RFNG: variants seen among roughly 807,000 people sequenced by gnomAD.
RFNG encodes the protein beta-1,3-N-acetylglucosaminyltransferase radical fringe.
A neutral mutation model predicts 29.6 loss-of-function variants in RFNG; 37 were observed. That is an observed-to-expected ratio of 1.25 (90% confidence interval 0.96 to 1.65). The LOEUF is 1.65. Ranked by LOEUF, RFNG falls within the 40% of genes most tolerant of loss-of-function variation. The pLI, the probability that RFNG is intolerant of heterozygous loss-of-function variation, is 0.00. For synonymous variants in RFNG, 276 were observed against 197.3 expected, an observed-to-expected ratio of 1.40 and a Z score of -3.34; for missense variants, 546 against 457.0, an observed-to-expected ratio of 1.19 and a Z score of -1.78.
chr17:82,048,915 A>T, intron 7 of RFNG, 108 bp from the exon 8 acceptor site: 4 of 1,423,386 alleles, frequency 2.8e-6, no homozygotes, highest in Non-Finnish European at 3.9e-6. Context: ...TACAGGGAGA[A>T]GCCGGGGTCA....
At chr17:82,049,279 T>C in intron 6 of RFNG, 163 bp from the exon 7 acceptor site, 1 of 714,710 alleles carries the variant, frequency 1.4e-6, no homozygotes, top group South Asian at 1.5e-5. Context: ...ATGAGCTGAG[T>C]AGGGGGACAC....
Position 82,050,525 on chromosome 17 carries a change from A to T in RFNG, c.450T>A (p.Tyr150Ter). The change falls in exon 4 of 8, where the codon TAT becomes TAA. Residue 150 changes from tyrosine to a stop codon, truncating the protein, a stop_gained. Transcript: ENST00000310496. LOFTEE classifies it high-confidence loss of function. ...GGTGCAGGAGGCTCCTGGCGTTCACATAATTGTCATCATCCACGTGGCAAA... is the reference window on the plus strand; with the variant it reads ...GGTGCAGGAGGCTCCTGGCGTTCACTTAATTGTCATCATCCACGTGGCAAA... ...KWFCHVDDDNYVNARSLLHLL... is the reference protein window; with the variant it reads ...KWFCHVDDDN The T allele has an allele frequency of 2.5e-6, 4 of 1,612,656 alleles. No individual in the cohort carries two copies. Among genetic ancestry groups the T allele is most frequent in the Non-Finnish European group, 3.4e-6 (4 of 1,179,636 alleles).
rs1470129785 is a variant in RFNG, at chr17:82,048,794, G to A, written c.928C>T (p.His310Tyr). 23 of 1,613,140 alleles carry A rather than the reference G, an allele frequency of 1.4e-5. No individual in the cohort carries two copies. The highest frequency in any genetic ancestry group is 1.9e-5 in the Non-Finnish European group (22 of 1,179,588). ...TCCGTGTCTGGGTACAGAAGACAAT[G>A]GATAGACTTAAACCTGGGGAAGGAA... ...HQDPTRFKSI[H>Y]CLLYPDTDWC... The change falls in exon 8 of 8, where the codon CAT becomes TAT. Residue 310 changes from histidine to tyrosine, a missense_variant. Physicochemically the swap from His to Tyr is moderately conservative, Grantham distance 83. Transcript: ENST00000310496.
chr17:82,050,632 C>G, intron 3 of RFNG, 30 bp downstream of exon 3: 1 of 1,611,038 alleles, frequency 6.2e-7, no homozygotes, highest in Non-Finnish European at 8.5e-7. Flanking sequence ...TGGCTCTGAG[C>G]TCTCTGCGGG....
chr17:82,050,477 G>T lies in RFNG; in HGVS notation c.498C>A (p.Ser166Arg). 1 of 1,612,954 alleles carries T rather than the reference G, an allele frequency of 6.2e-7. No individual in the cohort carries two copies. Among genetic ancestry groups the T allele is most frequent in the African/African-American group, 1.3e-5 (1 of 75,032 alleles). Residue 166 changes from serine (S) to arginine (R), a missense_variant, in exon 4 of 8, where the codon AGC becomes AGA. Ser to Arg is a moderately radical substitution (Grantham distance 110). Coordinates refer to ENST00000310496, the MANE Select transcript of RFNG (RefSeq NM_002917.2). ...TGGGCCGCCCCAGGTAGACGTCCTGGCTGGGTGAGAAGCTGGAGAGCAGGT... is the reference window on the plus strand; with the variant it reads ...TGGGCCGCCCCAGGTAGACGTCCTGTCTGGGTGAGAAGCTGGAGAGCAGGT... Reference protein sequence around the residue: ...LLHLLSSFSPSQDVYLGRPSL... With the variant: ...LLHLLSSFSPRQDVYLGRPSL...
rs766603555 is a variant in RFNG, at chr17:82,050,760, G to A, written c.321C>T (p.Asp107=). The part of the protein sequence containing the change: ...DDPELELQGG[D]RVINTNCSAV... ...CCGAGCAGTTGGTGTTGATGACACG[G>A]TCGCCTGCGAATCAGAGACGGGAAG... Residue 107 remains aspartate, a synonymous_variant, in exon 3 of 8, where the codon GAC becomes GAT. Transcript: ENST00000310496. The A allele has an allele frequency of 8.1e-6, 13 of 1,612,720 alleles. No individual in the cohort carries two copies. The highest frequency in any genetic ancestry group is 9.3e-6 in the Non-Finnish European group (11 of 1,179,854).
At position 82,049,659 on chromosome 17, in the gene RFNG, C is replaced by G; in HGVS notation, c.828+18G>C. The G allele has an allele frequency of 6.8e-7, 1 of 1,461,174 alleles. No individual in the cohort carries two copies. The highest frequency in any genetic ancestry group is 9.0e-7 in the Non-Finnish European group (1 of 1,106,216). 90.5% of individuals were successfully genotyped at this position (1,461,174 alleles called of 1,614,324 possible). ...GGCAAAGCCCAGGTGGCAGAGGCAC[C>G]CAGAGTGGCGCCTGTACCTGCTGGA... On this transcript the variant is annotated intron_variant, in intron 6 of 7. Transcript: ENST00000310496.
In RFNG at chr17:82,050,423, C is replaced by A; in HGVS notation, c.552G>T (p.Glu184Asp). The A allele has an allele frequency of 6.3e-7, 1 of 1,599,446 alleles. No homozygotes were observed. The highest frequency in any genetic ancestry group is 8.5e-7 in the Non-Finnish European group (1 of 1,174,794). ...TCACAGTTCTGCCACCCTGGACCCT[C>A]TCGGTGGCCTCAATGGGGTGGTCCA... ...PSLDHPIEAT[E>D]RVQGGRTVTT... The change falls in exon 4 of 8, where the codon GAG becomes GAT. Residue 184 changes from glutamate (E) to aspartate (D), a missense_variant. Coordinates refer to ENST00000310496, the MANE Select transcript of RFNG (RefSeq NM_002917.2).
At chr17:82,049,465 C>T (rs943574948) in intron 6 of RFNG, 9 of 721,288 alleles carry the variant, frequency 1.2e-5, no homozygotes, top group Non-Finnish European at 2.0e-5. Context: ...TGTGCTTCTC[C>T]CCTCGTTCCT....
chr17:82,050,788 C>G (rs1484524750), intron 2 of RFNG, 24 bp from the exon 3 acceptor site: 6 of 1,608,694 alleles, frequency 3.7e-6, no homozygotes, highest in Non-Finnish European at 5.1e-6. Context: ...ACGGGAAGCA[C>G]GCACGTAGAG....
chr17:82,051,060 G>C lies in RFNG; in HGVS notation c.316+234C>G. On this transcript the variant is annotated intron_variant, in intron 2 of 7. Transcript: ENST00000310496. The surrounding 1 kb of genome is among the most constrained non-coding windows in gnomAD (Gnocchi z 4.1). ...TGCTGGCGCTTCTTCAGGGGACGTG[G>C]CACTAGCCCCACGCCCCGGGAAGCG... The C allele has an allele frequency of 7.3e-7, 1 of 1,379,242 alleles. No homozygotes were observed. The highest frequency in any genetic ancestry group is 1.5e-5 in the African/African-American group (1 of 68,080). 85.4% of individuals were successfully genotyped at this position (1,379,242 alleles called of 1,614,324 possible).
chr17:82,050,317 G>A (rs2030290585), intron 4 of RFNG, 85 bp downstream of exon 4: 13 of 1,452,016 alleles, frequency 9.0e-6, no homozygotes, highest in Non-Finnish European at 1.2e-5. Context: ...CCCTTCTCAA[G>A]CCAGCTTTCC....
At position 82,049,412 on chromosome 17, in the gene RFNG, C is replaced by T. The variant is rs1250153871; in HGVS notation, c.828+265G>A. On this transcript the variant is annotated intron_variant, in intron 6 of 7. Coordinates refer to ENST00000310496, the MANE Select transcript of RFNG (RefSeq NM_002917.2). The stretch of plus-strand genomic sequence containing the variant: ...CGACTCACCATCACCATACACACCA[C>T]ACCCACTGCCCAGCTGGCATGGGGC... 15 of 700,364 alleles carry T rather than the reference C, an allele frequency of 2.1e-5. No homozygotes were observed. In the East Asian group the frequency reaches 3.5e-4, roughly 16 times the overall value. The allele number at this position is 700,364 out of a possible 1,614,324, so 43.4% of individuals were successfully genotyped here.
At chr17:82,049,504 C>T (rs1386981001) in intron 6 of RFNG, 173 bp downstream of exon 6, 11 of 781,372 alleles carry the variant, frequency 1.4e-5, no homozygotes, top group Admixed American at 4.0e-5. Context: ...CCCATCTGTA[C>T]GTGAGGACCC....
rs538447353 is a variant in RFNG at position 82,050,192 on chromosome 17, C to A, written c.574-186G>T. ...ATTGACCCGTAGCCTCCAGACCCTCCCCACCTGGCCCAGACACCCCCTCTC... is the reference window on the plus strand; with the variant it reads ...ATTGACCCGTAGCCTCCAGACCCTCACCACCTGGCCCAGACACCCCCTCTC... On this transcript the variant is annotated intron_variant, in intron 4 of 7. Coordinates refer to ENST00000310496, the MANE Select transcript of RFNG (RefSeq NM_002917.2). The A allele has an allele frequency of 2.6e-4, 200 of 768,926 alleles. No individual in the cohort carries two copies. The African/African-American group carries it at 3.2e-3, about 12-fold the overall frequency. 47.6% of individuals were successfully genotyped at this position (768,926 alleles called of 1,614,324 possible).
Position 82,048,456 on chromosome 17 carries a change from C to T in RFNG, c.*270G>A, listed in dbSNP as rs949163525. 3.9e-6 allele frequency: 2 copies of T among 507,100 alleles called. No homozygotes were observed. Among genetic ancestry groups the T allele is most frequent in the African/African-American group, 3.9e-5 (2 of 51,620 alleles). 31.4% of individuals were successfully genotyped at this position (507,100 alleles called of 1,614,324 possible). Reference sequence around the variant, plus strand: ...CAAGTGCTGGGGTGGAAGCCTGTTCCCGTGGGATCAACCTTGGGGCTGGGT... The same window carrying T: ...CAAGTGCTGGGGTGGAAGCCTGTTCTCGTGGGATCAACCTTGGGGCTGGGT... On this transcript the variant is annotated 3_prime_UTR_variant, in exon 8 of 8. Coordinates refer to ENST00000310496, the MANE Select transcript of RFNG (RefSeq NM_002917.2).
In RFNG at chr17:82,048,667, G is replaced by T. The variant is rs901040976; in HGVS notation, c.*59C>A. 54 of 1,408,708 alleles carry T rather than the reference G, an allele frequency of 3.8e-5. No individual in the cohort carries two copies. Among genetic ancestry groups the T allele is most frequent in the Non-Finnish European group, 4.9e-5 (49 of 1,001,350 alleles). 87.3% of individuals were successfully genotyped at this position (1,408,708 alleles called of 1,614,324 possible). ...GAGGGAGCCCACTGAGCCCATAGGG[G>T]GCTCTGGTTCCCCGCGCCTGGGACA... On this transcript the variant is annotated 3_prime_UTR_variant, in exon 8 of 8. Coordinates refer to ENST00000310496, the MANE Select transcript of RFNG (RefSeq NM_002917.2).
rs533533309 is a variant in RFNG at position 82,048,961 on chromosome 17, C to T, written c.914+70G>A. 1.3e-3 allele frequency: 1,944 copies of T among 1,536,148 alleles called. 39 individuals are homozygous for T. The South Asian group carries it at 0.02, about 16-fold the overall frequency. ...CGGAGGGAGCAGCGGGGGTCAGGGC[C>T]GTGGGTAGAGGGAGCTGATGCCAGA... On this transcript the variant is annotated intron_variant, in intron 7 of 7. Coordinates refer to ENST00000310496, the MANE Select transcript of RFNG (RefSeq NM_002917.2).
rs751331123 is a variant in RFNG at position 82,050,773 on chromosome 17, CAG to C, written c.317-11_317-10del. The C allele has an allele frequency of 1.7e-5, 28 of 1,612,274 alleles. No individual in the cohort carries two copies. The highest frequency in any genetic ancestry group is 2.4e-5 in the Non-Finnish European group (28 of 1,179,612). The stretch of plus-strand genomic sequence containing the variant: ...GTTGATGACACGGTCGCCTGCGAAT[CAG>C]AGACGGGAAGCACGCACGTAGAGGA... On this transcript the variant is annotated splice_polypyrimidine_tract_variant and intron_variant, in intron 2 of 7. Transcript: ENST00000310496.
Sources: gnomAD v4.1 joint callset for allele counts on GRCh38, gnomAD v4.1.1 for gene constraint, Gnocchi (gnomAD v3.1) non-coding constraint, MANE v1.5 for transcripts, NCBI Gene and HGNC (gene_info 2026-07-23, HGNC 2026-07-21) for gene names.